The following ARSG variants were observed in gnomAD, a reference collection of about 807,000 sequenced individuals.
ARSG encodes the protein arylsulfatase G.
Under a neutral mutation model 50.5 loss-of-function variants are expected in ARSG, and 37 were observed. That is an observed-to-expected ratio of 0.73 (90% CI 0.56 to 0.96). The LOEUF is 0.96. Ranked by LOEUF, ARSG falls within the 50% of genes least tolerant of loss-of-function variation. The pLI, the probability that ARSG is intolerant of heterozygous loss-of-function variation, is 0.00. For missense variants in ARSG, 629 were observed against 675.3 expected (o/e 0.93, Z 0.76); for synonymous variants, 225 against 254.6 (o/e 0.88, Z 1.11).
chr17:68,420,420 G>T lies in ARSG; in HGVS notation c.1535G>T (p.Cys512Phe). The stretch of plus-strand genomic sequence containing the variant: ...ACTCAGGACCCTTCAGTAACTCCCT[G>T]CTGTAATCCCTACCAAATTGCCTGC... ...DYTQDPSVTP[C>F]CNPYQIACRC... The change falls in exon 12 of 12, where the codon TGC (cysteine) becomes TTC (phenylalanine). Residue 512 changes from cysteine (C) to phenylalanine (F), a missense_variant. By Grantham distance (205) the Cys-to-Phe change is radical (BLOSUM62 -2). Transcript: ENST00000621439. 1 of 1,614,152 alleles carries T rather than the reference G, an allele frequency of 6.2e-7. No individual in the cohort carries two copies. The highest frequency in any genetic ancestry group is 8.5e-7 in the Non-Finnish European group (1 of 1,180,012).
chr17:68,319,362 C>T (rs1321635863), intron 2 of ARSG, among the ~76,000 whole-genome samples: 1 of 152,132 alleles, frequency 6.6e-6, no homozygotes, highest in African/African-American at 2.4e-5. Flanking sequence ...TGTTTTTGCA[C>T]TTGAGTAAAT....
the ARSG span, chr17:68,435,821 T>C: frequency 1.0e-6 from 1 of 970,070 alleles, no homozygotes; most frequent in Non-Finnish European, 1.6e-6. Context: ...TCCAGCTCCC[T>C]GTCTCTTCCT....
chr17:68,387,736 T>C (rs8076774), intron 9 of ARSG, among the ~76,000 whole-genome samples: 14,112 of 152,178 alleles, frequency 0.093, 1,610 homozygotes, highest in African/African-American at 0.26. Context: ...GCTTGAGGAA[T>C]ATAGATCTTC....
At chr17:68,421,909 G>A (rs1057487172), downstream of ARSG, 2 of 1,550,766 alleles carry the variant, frequency 1.3e-6, no homozygotes, top group Non-Finnish European at 1.8e-6. Context: ...CCCATGCAGA[G>A]TGAGCAGGGA....
chr17:68,422,496 C>G (rs2082863655), downstream of ARSG: 1 of 150,294 alleles, frequency 6.7e-6, no homozygotes, highest in Admixed American at 6.6e-5. Flanking sequence ...CTTTAGGAGG[C>G]TGAGGGGGGT....
At chr17:68,273,884 A>T in intron 1 of ARSG, 1 of 1,596,704 alleles carries the variant, frequency 6.3e-7, no homozygotes, top group Non-Finnish European at 8.6e-7. Context: ...TGTTCTTCAA[A>T]CTAAGTGTCT....
the ARSG span, among the ~76,000 whole-genome samples, chr17:68,433,171 ATG>A: frequency 6.6e-6 from 1 of 152,264 alleles, no homozygotes; most frequent in Non-Finnish European, 1.5e-5. Context: ...TACTACTGTT[ATG>A]TTCATTTTGC....
upstream of ARSG, among the ~76,000 whole-genome samples, chr17:68,290,464 C>T (rs987731277): frequency 6.6e-6 from 1 of 152,228 alleles, no homozygotes; most frequent in Non-Finnish European, 1.5e-5. Context: ...TGAAGTTGCG[C>T]GGGACCGGCC....
intron 6 of ARSG, 84 bp downstream of exon 6, chr17:68,356,888 G>T: frequency 1.3e-6 from 2 of 1,530,766 alleles, no homozygotes; most frequent in Admixed American, 3.7e-5. Context: ...GCCTCAGCAC[G>T]CTTGAGGCCA....
At chr17:68,355,885 T>G (rs2079012163) in intron 5 of ARSG, among the ~76,000 whole-genome samples, 1 of 152,056 alleles carries the variant, frequency 6.6e-6, no homozygotes, top group African/African-American at 2.4e-5. Context: ...CCTTTTTATG[T>G]ATTTATTTAT....
intron 1 of ARSG, among the ~76,000 whole-genome samples, chr17:68,304,188 C>T (rs1240239922): frequency 6.6e-6 from 1 of 152,252 alleles, no homozygotes; most frequent in East Asian, 1.9e-4. Flanking sequence ...GAAAAGTCTC[C>T]TGTGTCTGTT....
At chr17:68,314,386 C>T (rs1231882725) in intron 2 of ARSG, among the ~76,000 whole-genome samples, 2 of 151,966 alleles carry the variant, frequency 1.3e-5, no homozygotes, top group Admixed American at 6.6e-5. Flanking sequence ...AGTAGCCAGG[C>T]GTGGCGGCAC....
chr17:68,349,464 T>G (rs2078657455), intron 4 of ARSG, among the ~76,000 whole-genome samples: 1 of 152,182 alleles, frequency 6.6e-6, no homozygotes, highest in Non-Finnish European at 1.5e-5. Context: ...AGAAGTTTGC[T>G]CTCCTTGGTG....
intron 2 of ARSG, among the ~76,000 whole-genome samples, chr17:68,309,501 G>A (rs1029088887): frequency 2.0e-5 from 3 of 152,218 alleles, no homozygotes; most frequent in Non-Finnish European, 4.4e-5. Flanking sequence ...GGAGTTCAAG[G>A]TTGCAGTGAG....
chr17:68,350,655 C>A, intron 4 of ARSG, among the ~76,000 whole-genome samples: 1 of 152,048 alleles, frequency 6.6e-6, no homozygotes, highest in South Asian at 2.1e-4. Context: ...CGTGGTGGCA[C>A]GTGCCTGTAG....
At chr17:68,288,975 T>C (rs2075904426), upstream of ARSG, among the ~76,000 whole-genome samples, 1 of 152,214 alleles carries the variant, frequency 6.6e-6, no homozygotes. Flanking sequence ...AGTGTTCTTC[T>C]GGAGGAAGTA....
intron 2 of ARSG, among the ~76,000 whole-genome samples, chr17:68,332,654 C>T (rs1383992416): frequency 6.6e-6 from 1 of 152,070 alleles, no homozygotes; most frequent in Non-Finnish European, 1.5e-5. Flanking sequence ...TCAGAGATTG[C>T]AGTAAAGACA....
intron 1 of ARSG, chr17:68,267,205 G>A (rs1334006169): frequency 6.6e-6 from 1 of 152,178 alleles, no homozygotes; most frequent in East Asian, 1.9e-4. Flanking sequence ...TAGACATGGA[G>A]CAGATCCCTC....
intron 2 of ARSG, among the ~76,000 whole-genome samples, chr17:68,317,124 A>G (rs1215955395): frequency 6.6e-6 from 1 of 152,148 alleles, no homozygotes. Flanking sequence ...CACAATTATG[A>G]TGTCGTTATT....
Sources: allele counts gnomAD v4.1 joint callset (sites outside exome capture counted in the v4.1 genomes callset), GRCh38; gene constraint gnomAD v4.1.1; transcripts MANE v1.5; gene names NCBI Gene and HGNC (gene_info 2026-07-23, HGNC 2026-07-21).